KSR2: variants seen among roughly 807,000 people sequenced by gnomAD.
KSR2 encodes kinase suppressor of ras 2.
Under a neutral mutation model 107.8 loss-of-function variants are expected in KSR2, and 25 were observed. That is an observed-to-expected ratio of 0.23 (90% CI 0.17 to 0.32). The LOEUF is 0.32. KSR2 is among the 10% of genes least tolerant of loss of function. The probability of loss-of-function intolerance (pLI) is 1.00; values close to 1 mark genes in which losing one functional copy is unlikely to be tolerated. For missense variants in KSR2, 887 were observed against 1,268.9 expected, an observed-to-expected ratio of 0.70 and a Z score of 4.57; for synonymous variants, 480 against 507.0, an observed-to-expected ratio of 0.95 and a Z score of 0.71.
intron 4 of KSR2, among the ~76,000 whole-genome samples, chr12:117,701,871 A>G (rs950772857): frequency 6.6e-6 from 1 of 152,230 alleles, no homozygotes; most frequent in African/African-American, 2.4e-5. Context: ...CGGAAGGAGC[A>G]TGGACCTGCT....
At chr12:117,525,574 G>A (rs1461299158) in intron 13 of KSR2, among the ~76,000 whole-genome samples, 2 of 152,184 alleles carry the variant, frequency 1.3e-5, no homozygotes, top group African/African-American at 2.4e-5. Flanking sequence ...CTCACTCCAG[G>A]TCATGCAGCC....
intron 14 of KSR2, among the ~76,000 whole-genome samples, chr12:117,494,045 C>T (rs969960050): frequency 2.6e-5 from 4 of 152,134 alleles, no homozygotes; most frequent in Non-Finnish European, 4.4e-5. Flanking sequence ...TGGACTAATA[C>T]GGGCAGGGAC....
Position 117,539,700 on chromosome 12 carries a change from TC to T in KSR2, c.1687+18del. ...CCTCCAACGCTGCACCCCTCATGTC[TC>T]CCCAAGCATGGAGGTACCTGGCAGG... On this transcript the variant is annotated intron_variant, in intron 10 of 19. Coordinates refer to ENST00000339824, the MANE Select transcript of KSR2 (RefSeq NM_173598.6). The T allele has an allele frequency of 1.3e-6, 2 of 1,590,958 alleles. No homozygotes were observed. Among genetic ancestry groups the T allele is most frequent in the South Asian group, 1.1e-5 (1 of 87,806 alleles).
intron 3 of KSR2, among the ~76,000 whole-genome samples, chr12:117,824,007 C>T (rs1891650845): frequency 6.6e-6 from 1 of 152,102 alleles, no homozygotes; most frequent in Non-Finnish European, 1.5e-5. Context: ...CCTAAGTACC[C>T]ATCAATGGAT....
Position 117,476,482 on chromosome 12 carries a change from G to T in KSR2, c.2564C>A (p.Ser855Tyr). 6.2e-7 allele frequency: 1 copy of T among 1,603,870 alleles called. No homozygotes were observed. Among genetic ancestry groups the T allele is most frequent in the Non-Finnish European group, 8.5e-7 (1 of 1,175,316 alleles). ...CACTTACCCAAGGGCAAAGACGTCAGAGTGCTTGGAGAAGGGGAGCTTATC... is the reference window on the plus strand; with the variant it reads ...CACTTACCCAAGGGCAAAGACGTCATAGTGCTTGGAGAAGGGGAGCTTATC... The part of the protein sequence containing the change: ...EEDKLPFSKH[S>Y]DVFALGTIWY... Residue 855 changes from serine (S) to tyrosine (Y), a missense_variant, in exon 17 of 20, where the codon TCT becomes TAT. Around this residue, in one of 8 missense-constraint regions of KSR2, gnomAD observed 308 missense variants for 506.2 expected, o/e 0.61. Coordinates refer to ENST00000339824, the MANE Select transcript of KSR2 (RefSeq NM_173598.6).
intron 3 of KSR2, among the ~76,000 whole-genome samples, chr12:117,841,330 G>A (rs1408674742): frequency 6.6e-6 from 1 of 152,084 alleles, no homozygotes; most frequent in African/African-American, 2.4e-5. Context: ...TGCGCCCACA[G>A]AAGCCTCCCA....
intron 14 of KSR2, among the ~76,000 whole-genome samples, chr12:117,516,002 G>A (rs79251177): frequency 1.9e-4 from 29 of 152,280 alleles, no homozygotes; most frequent in African/African-American, 6.5e-4. Context: ...ACAATTTTGG[G>A]TTGGCTTCCT....
chr12:117,582,433 A>C, intron 5 of KSR2, 74 bp from the exon 6 acceptor site: 2 of 1,125,024 alleles, frequency 1.8e-6, no homozygotes, highest in Non-Finnish European at 2.7e-6. Flanking sequence ...GCCTGGAAGG[A>C]AAAGGGGGGC....
At chr12:117,560,785 C>T (rs1803973413) in intron 7 of KSR2, among the ~76,000 whole-genome samples, 1 of 152,096 alleles carries the variant, frequency 6.6e-6, no homozygotes, top group African/African-American at 2.4e-5. Context: ...AGTTCTCACT[C>T]TATTAGAGAC....
intron 1 of KSR2, among the ~76,000 whole-genome samples, chr12:117,931,085 G>C (rs939949256): frequency 6.6e-6 from 1 of 152,068 alleles, no homozygotes; most frequent in African/African-American, 2.4e-5. Context: ...CAAGAGAGTC[G>C]TGCGGAGCAG....
intron 3 of KSR2, among the ~76,000 whole-genome samples, chr12:117,826,393 C>T (rs991173004): frequency 3.3e-5 from 5 of 151,944 alleles, no homozygotes; most frequent in African/African-American, 1.2e-4. Context: ...TGGGGGTTGA[C>T]GTTAGCTGTT....
rs189719869 is a variant in KSR2 at position 117,540,410 on chromosome 12, G to A, written c.1519-523C>T. On this transcript the variant is annotated intron_variant, in intron 9 of 19. Coordinates refer to ENST00000339824, the MANE Select transcript of KSR2 (RefSeq NM_173598.6). ...AGAGAGAATCCATGTGTGCATTTTC[G>A]GAATGGCCTGCTGGGGTGGACTTCC... Among the ~76,000 whole-genome samples the A allele has an allele frequency of 5.7e-3, 866 of 152,244 alleles. 9 individuals carry two copies. The highest frequency in any genetic ancestry group is 0.02 in the African/African-American group (830 of 41,546).
At chr12:117,655,533 G>A (rs149964452) in intron 5 of KSR2, among the ~76,000 whole-genome samples, 3 of 152,308 alleles carry the variant, frequency 2.0e-5, no homozygotes, top group Non-Finnish European at 4.4e-5. Flanking sequence ...CACAGGTCCA[G>A]GAATCAAGGG....
chr12:117,601,250 C>T (rs1044328555), intron 5 of KSR2, among the ~76,000 whole-genome samples: 11 of 147,908 alleles, frequency 7.4e-5, no homozygotes, highest in Non-Finnish European at 1.5e-4. Flanking sequence ...GTGCATCTGA[C>T]AAGACATAAA....
intron 1 of KSR2, among the ~76,000 whole-genome samples, chr12:117,885,237 G>A (rs1894141047): frequency 6.6e-6 from 1 of 152,122 alleles, no homozygotes; most frequent in African/African-American, 2.4e-5. Flanking sequence ...GAGATCTTAG[G>A]GGTCACTACT....
At chr12:117,826,520 A>C (rs1891758734) in intron 3 of KSR2, among the ~76,000 whole-genome samples, 1 of 149,218 alleles carries the variant, frequency 6.7e-6, no homozygotes, top group Admixed American at 6.6e-5. Flanking sequence ...GAGAACAAAC[A>C]AAAAAAAACC....
At chr12:117,564,979 C>T (rs142625926) in intron 7 of KSR2, among the ~76,000 whole-genome samples, 6 of 152,304 alleles carry the variant, frequency 3.9e-5, no homozygotes, top group African/African-American at 9.6e-5. Flanking sequence ...CTTCCCAGTG[C>T]GGGGCTGGAG....
At position 117,968,843 on chromosome 12, in the gene KSR2, C is replaced by G; in HGVS notation, c.-588G>C. On this transcript the variant is annotated 5_prime_UTR_variant, in exon 1 of 20. Coordinates refer to ENST00000339824, the MANE Select transcript of KSR2 (RefSeq NM_173598.6). ...CGTTCTCAAGGTGCTGTCTGCATTG[C>G]TCCCGCGGCTGCGGCGGCTACTGCG... The G allele has an allele frequency of 4.7e-6, 1 of 213,450 alleles. No homozygotes were observed. The highest frequency in any genetic ancestry group is 9.5e-6 in the Non-Finnish European group (1 of 105,332). The allele number at this position is 213,450 out of a possible 1,614,324, so 13.2% of individuals were successfully genotyped here.
rs1014895025 is a variant in KSR2, at chr12:117,456,763, C to A, written c.*10436G>T. ...GTAAAACAGCTGGACCTACAGAGGCCATCCTCACCCACTGCCTGTCTCCAT... is the reference window on the plus strand; with the variant it reads ...GTAAAACAGCTGGACCTACAGAGGCAATCCTCACCCACTGCCTGTCTCCAT... On this transcript the variant is annotated 3_prime_UTR_variant, in exon 20 of 20. Coordinates refer to ENST00000339824, the MANE Select transcript of KSR2 (RefSeq NM_173598.6). 3 of 152,234 alleles carry A rather than the reference C, an allele frequency of 2.0e-5. No homozygotes were observed. The highest frequency in any genetic ancestry group is 7.2e-5 in the African/African-American group (3 of 41,418). 9.4% of individuals were successfully genotyped at this position (152,234 alleles called of 1,614,324 possible).
Sources: allele counts gnomAD v4.1 joint callset (sites outside exome capture counted in the v4.1 genomes callset), GRCh38; gene constraint gnomAD v4.1.1; regional missense constraint gnomAD v4.1.1; transcripts MANE v1.5; gene names NCBI Gene and HGNC (gene_info 2026-07-23, HGNC 2026-07-21).